Variants in KIAA1217 observed in about 807,000 individuals in gnomAD.
KIAA1217 encodes the protein sickle tail protein homolog.
KIAA1217 carries 88 observed loss-of-function variants against 163.9 expected under a neutral mutation model. The ratio of observed to expected loss-of-function variants is 0.54; its 90% CI spans 0.45 to 0.64. The LOEUF (loss-of-function observed/expected upper bound fraction) is 0.64, where lower values mean the gene tolerates loss of function less well. Among genes scored for constraint, KIAA1217 ranks in the 30% least tolerant of loss-of-function variants. The pLI is 0.00. For synonymous variants in KIAA1217, 903 were observed against 923.1 expected, an observed-to-expected ratio of 0.98 and a Z score of 0.39; for missense variants, 2,372 against 2,475.0, an observed-to-expected ratio of 0.96 and a Z score of 0.88.
At chr10:24,101,607 T>C (rs2131718913) in intron 2 of KIAA1217, among the ~76,000 whole-genome samples, 1 of 152,322 alleles carries the variant, frequency 6.6e-6, no homozygotes, top group South Asian at 2.1e-4. Flanking sequence ...AAAGCTATAC[T>C]CGTCAAGGTA....
At chr10:24,226,223 T>G (rs1330511122) in intron 2 of KIAA1217, among the ~76,000 whole-genome samples, 1 of 152,220 alleles carries the variant, frequency 6.6e-6, no homozygotes, top group Non-Finnish European at 1.5e-5. Flanking sequence ...CTTGGTTTTC[T>G]TAAAGGTTTT....
intron 2 of KIAA1217, among the ~76,000 whole-genome samples, chr10:24,201,102 C>G (rs2067233937): frequency 2.0e-5 from 3 of 152,050 alleles, no homozygotes; most frequent in African/African-American, 7.2e-5. Context: ...GAAACCCTGT[C>G]TCTACCAAAA....
chr10:24,135,994 T>G (rs1000056801), intron 2 of KIAA1217, among the ~76,000 whole-genome samples: 1 of 152,192 alleles, frequency 6.6e-6, no homozygotes, highest in Non-Finnish European at 1.5e-5. Flanking sequence ...ATACCTAGTT[T>G]GGAGACAATT....
At chr10:24,197,262 C>T (rs954352028) in intron 2 of KIAA1217, among the ~76,000 whole-genome samples, 3 of 152,226 alleles carry the variant, frequency 2.0e-5, no homozygotes, top group African/African-American at 4.8e-5. Context: ...ATTTATAATT[C>T]GGCACCCAGT....
At chr10:24,411,793 C>G (rs1248391523) in intron 3 of KIAA1217, among the ~76,000 whole-genome samples, 1 of 151,794 alleles carries the variant, frequency 6.6e-6, no homozygotes, top group African/African-American at 2.4e-5. Context: ...TGTCATGGCT[C>G]TCATCTAATT....
chr10:23,813,676 G>T (rs1169003985), intron 1 of KIAA1217, among the ~76,000 whole-genome samples: 7 of 152,044 alleles, frequency 4.6e-5, no homozygotes, highest in Non-Finnish European at 2.9e-5. Flanking sequence ...TATTATTAAG[G>T]GCTAAAACAC....
intron 2 of KIAA1217, among the ~76,000 whole-genome samples, chr10:24,088,218 C>T (rs906672269): frequency 8.8e-6 from 1 of 114,130 alleles, no homozygotes; most frequent in South Asian, 3.0e-4. Context: ...AGGAACATCC[C>T]AAACTTGTGT....
chr10:23,968,395 A>G (rs947087275), intron 1 of KIAA1217, among the ~76,000 whole-genome samples: 4 of 152,220 alleles, frequency 2.6e-5, no homozygotes, highest in African/African-American at 9.6e-5. Flanking sequence ...TTTCTTGGCT[A>G]CGTAGACGGG....
intron 1 of KIAA1217, among the ~76,000 whole-genome samples, chr10:23,809,421 T>C (rs1836885933): frequency 6.6e-6 from 1 of 151,862 alleles, no homozygotes; most frequent in Non-Finnish European, 1.5e-5. Flanking sequence ...AAGTGGAATG[T>C]ATAATTTGGG....
intron 1 of KIAA1217, among the ~76,000 whole-genome samples, chr10:23,707,740 T>G (rs950447332): frequency 2.0e-5 from 3 of 151,698 alleles, no homozygotes; most frequent in African/African-American, 7.2e-5. Context: ...AAATAAAAAT[T>G]TTTTTAAAGG....
chr10:23,817,441 G>T (rs1015337293), intron 1 of KIAA1217, among the ~76,000 whole-genome samples: 2 of 152,114 alleles, frequency 1.3e-5, no homozygotes, highest in African/African-American at 4.8e-5. Flanking sequence ...TGGAACGTTT[G>T]AGCTGGGATA....
chr10:23,977,573 G>A (rs1184633844), intron 1 of KIAA1217, among the ~76,000 whole-genome samples: 3 of 152,064 alleles, frequency 2.0e-5, no homozygotes, highest in African/African-American at 7.2e-5. Flanking sequence ...TACTTCCTAG[G>A]GTATCCCAGC....
At chr10:23,760,097 C>T (rs1046406071) in intron 1 of KIAA1217, among the ~76,000 whole-genome samples, 1 of 152,116 alleles carries the variant, frequency 6.6e-6, no homozygotes, top group Non-Finnish European at 1.5e-5. Context: ...TAACTCAGTG[C>T]CTAGACCCTC....
At chr10:24,207,899 T>C (rs1343919311), upstream of KIAA1217, among the ~76,000 whole-genome samples, 1 of 152,176 alleles carries the variant, frequency 6.6e-6, no homozygotes, top group Non-Finnish European at 1.5e-5. Context: ...GGCTGGCCAT[T>C]GTTCAGCACA....
At chr10:23,810,915 TATA>T (rs1319729850) in intron 1 of KIAA1217, among the ~76,000 whole-genome samples, 5 of 120,182 alleles carry the variant, frequency 4.2e-5, no homozygotes, top group South Asian at 2.4e-4. Flanking sequence ...CTCTATATAG[TATA>T]ATAATATAGT....
intron 1 of KIAA1217, among the ~76,000 whole-genome samples, chr10:23,829,221 A>G (rs1397195509): frequency 6.6e-6 from 1 of 152,206 alleles, no homozygotes; most frequent in African/African-American, 2.4e-5. Context: ...ATGTGGAAGA[A>G]TAGGATGAAA....
chr10:23,735,495 A>G (rs1038429082), intron 1 of KIAA1217, among the ~76,000 whole-genome samples: 14 of 152,216 alleles, frequency 9.2e-5, no homozygotes, highest in African/African-American at 3.1e-4. Context: ...GTAAAATAGT[A>G]TAGTATTTTA....
At chr10:24,441,778 C>T (rs2060517100) in intron 5 of KIAA1217, among the ~76,000 whole-genome samples, 1 of 152,124 alleles carries the variant, frequency 6.6e-6, no homozygotes. Flanking sequence ...GGAACAGGCC[C>T]TTTTGCAAAA....
At chr10:24,126,322 C>A (rs777944629) in intron 2 of KIAA1217, among the ~76,000 whole-genome samples, 19 of 152,022 alleles carry the variant, frequency 1.2e-4, no homozygotes, top group Non-Finnish European at 2.1e-4. Context: ...GTTTTTGGTT[C>A]AATTGCTATA....
Sources: gnomAD v4.1 joint callset for allele counts (sites outside exome capture counted in the v4.1 genomes callset) on GRCh38, gnomAD v4.1.1 for gene constraint, MANE v1.5 for transcripts, NCBI Gene and HGNC (gene_info 2026-07-23, HGNC 2026-07-21) for gene names.